Variants in CSMD3 observed in about 807,000 individuals in gnomAD.
CSMD3 encodes the protein CUB and Sushi multiple domains 3.
In CSMD3, 177 loss-of-function variants were observed where a neutral mutation model predicts 435.2. The ratio of observed to expected loss-of-function variants is 0.41; its 90% CI spans 0.36 to 0.46. The LOEUF is 0.46. CSMD3 is among the 20% of genes least tolerant of loss of function. The pLI is 0.34. For synonymous variants in CSMD3, 1,656 were observed against 1,520.5 expected, an observed-to-expected ratio of 1.09 and a Z score of -2.07; for missense variants, 4,265 against 4,504.6, an observed-to-expected ratio of 0.95 and a Z score of 1.52.
chr8:112,816,148 G>C (rs917120606), intron 12 of CSMD3, among the ~76,000 whole-genome samples: 10 of 152,092 alleles, frequency 6.6e-5, no homozygotes, highest in African/African-American at 2.2e-4. Context: ...TGTCTCAGCA[G>C]ATGTGTCTTG....
rs1192903651 is a variant in CSMD3, at chr8:113,173,861, A to G, written c.570T>C (p.Tyr190=). The G allele has an allele frequency of 6.2e-7, 1 of 1,613,934 alleles. No individual in the cohort carries two copies. The highest frequency in any genetic ancestry group is 1.3e-5 in the African/African-American group (1 of 75,066). The change falls in exon 4 of 71, where the codon TAT becomes TAC. Residue 190 remains tyrosine, a synonymous_variant. Coordinates refer to ENST00000297405, the MANE Select transcript of CSMD3 (RefSeq NM_198123.2). ...TGTCCCCGACGTCGAATCTTGTGCC[A>G]TATAATACACCTTTGGGTGGAACAC... is the stretch of plus-strand genomic sequence containing the variant. ...NPGVPPKGVL[Y]GTRFDVGDKI... is the part of the protein sequence containing the mutation.
chr8:112,286,656 T>C (rs896048524), intron 58 of CSMD3, among the ~76,000 whole-genome samples: 4 of 152,126 alleles, frequency 2.6e-5, no homozygotes, highest in African/African-American at 7.2e-5. Context: ...TAAAACTTTA[T>C]TACAGGTATG....
intron 3 of CSMD3, among the ~76,000 whole-genome samples, chr8:113,212,914 A>C (rs1354056847): frequency 6.7e-6 from 1 of 149,940 alleles, no homozygotes; most frequent in Non-Finnish European, 1.5e-5. Flanking sequence ...TATTAAAAAA[A>C]AAAAAAGAAA....
intron 3 of CSMD3, among the ~76,000 whole-genome samples, chr8:113,244,436 C>T (rs887423073): frequency 1.1e-4 from 16 of 152,150 alleles, no homozygotes; most frequent in Non-Finnish European, 1.8e-4. Flanking sequence ...CTGCCTCAGC[C>T]TCCTGAGTAG....
intron 1 of CSMD3, among the ~76,000 whole-genome samples, chr8:113,382,655 A>G (rs558140152): frequency 4.6e-5 from 7 of 152,254 alleles, no homozygotes; most frequent in African/African-American, 1.7e-4. Context: ...TCTATTAAGC[A>G]TATGGTTACT....
At chr8:112,612,971 T>G (rs539770038) in intron 22 of CSMD3, among the ~76,000 whole-genome samples, 1 of 152,010 alleles carries the variant, frequency 6.6e-6, no homozygotes, top group African/African-American at 2.4e-5. Flanking sequence ...TCTGAGATTC[T>G]TTTTTGCCCA....
At chr8:112,518,312 G>A (rs534612540) in intron 27 of CSMD3, among the ~76,000 whole-genome samples, 8 of 151,696 alleles carry the variant, frequency 5.3e-5, no homozygotes, top group African/African-American at 1.9e-4. Context: ...ACCAGCCTGG[G>A]CAACTAAGTG....
intron 10 of CSMD3, among the ~76,000 whole-genome samples, chr8:112,921,066 T>C (rs933882640): frequency 3.3e-5 from 5 of 151,000 alleles, no homozygotes; most frequent in African/African-American, 9.7e-5. Context: ...CCAGATAAGA[T>C]ATATATACAT....
At chr8:113,245,800 C>T (rs1171492978) in intron 3 of CSMD3, among the ~76,000 whole-genome samples, 1 of 151,926 alleles carries the variant, frequency 6.6e-6, no homozygotes, top group African/African-American at 2.4e-5. Context: ...CTAGATATTT[C>T]TGTGAGAAAG....
chr8:113,124,722 G>A (rs1205867439), intron 4 of CSMD3, among the ~76,000 whole-genome samples: 2 of 151,956 alleles, frequency 1.3e-5, no homozygotes, highest in Admixed American at 6.6e-5. Flanking sequence ...TGTTGTGGTA[G>A]TTGAAAAGCT....
chr8:113,435,723 A>C (rs2094702064), intron 1 of CSMD3, among the ~76,000 whole-genome samples: 2 of 152,118 alleles, frequency 1.3e-5, no homozygotes, highest in Non-Finnish European at 1.5e-5. Flanking sequence ...GTGATTGTTC[A>C]AAAAATGATG....
chr8:113,369,417 G>A (rs1449414313), intron 1 of CSMD3, among the ~76,000 whole-genome samples: 1 of 151,830 alleles, frequency 6.6e-6, no homozygotes, highest in African/African-American at 2.4e-5. Flanking sequence ...TTTCTGGTAA[G>A]GATGTGAAAA....
intron 58 of CSMD3, among the ~76,000 whole-genome samples, chr8:112,281,804 T>C (rs988206351): frequency 6.6e-6 from 1 of 152,174 alleles, no homozygotes; most frequent in Non-Finnish European, 1.5e-5. Flanking sequence ...TAAGCATCTA[T>C]GTATATTTTT....
At chr8:112,792,057 G>C (rs1453704099) in intron 13 of CSMD3, among the ~76,000 whole-genome samples, 1 of 151,936 alleles carries the variant, frequency 6.6e-6, no homozygotes, top group Non-Finnish European at 1.5e-5. Flanking sequence ...TTTTAAATTG[G>C]TTTGTTTGCT....
chr8:112,224,431 C>T lies in CSMD3; in HGVS notation c.*340G>A, dbSNP rs1812392021. 2 of 306,068 alleles carry T rather than the reference C, an allele frequency of 6.5e-6. No individual in the cohort carries two copies. Among genetic ancestry groups the T allele is most frequent in the African/African-American group, 4.3e-5 (2 of 46,338 alleles). 19.0% of individuals were successfully genotyped at this position (306,068 alleles called of 1,614,324 possible). A position where few individuals can be genotyped will look rare whatever the true frequency, so the allele number is the denominator to read the frequency against. ...CTATATCTTTTTTTTTAAACCCAGT[C>T]CCTCTAATATAGTTTATAAAGCACA... On this transcript the variant is annotated 3_prime_UTR_variant, in exon 71 of 71. Transcript: ENST00000297405.
chr8:112,506,198 C>T (rs540003453), intron 29 of CSMD3, among the ~76,000 whole-genome samples: 1 of 152,020 alleles, frequency 6.6e-6, no homozygotes, highest in Non-Finnish European at 1.5e-5. Flanking sequence ...TTTATGAGTT[C>T]AAATTATCTT....
At chr8:112,763,153 G>T (rs1587216326) in intron 13 of CSMD3, among the ~76,000 whole-genome samples, 1 of 151,542 alleles carries the variant, frequency 6.6e-6, no homozygotes, top group Admixed American at 6.6e-5. Context: ...TGTCGTAGAT[G>T]ATAAATACTA....
chr8:113,349,973 C>T (rs187566997), intron 1 of CSMD3, among the ~76,000 whole-genome samples: 86 of 152,064 alleles, frequency 5.7e-4, no homozygotes, highest in African/African-American at 1.9e-3. Flanking sequence ...TCTTGAGAAG[C>T]CTGGCAGTTT....
Position 112,822,368 on chromosome 8 carries a change from A to T in CSMD3, c.1859+7318T>A, listed in dbSNP as rs528171892. Among the ~76,000 whole-genome samples, 169 of 152,136 alleles carry T rather than the reference A, an allele frequency of 1.1e-3. 3 individuals are homozygous for T. The South Asian group carries it at 0.034, about 30-fold the overall frequency. The stretch of plus-strand genomic sequence containing the variant: ...AGTTCTCCTTGAAGAGGTCCTTCAC[A>T]TCCCTTGTAAGTTGTATTCCTAAGT... On this transcript the variant is annotated intron_variant, in intron 12 of 70. Coordinates refer to ENST00000297405, the MANE Select transcript of CSMD3 (RefSeq NM_198123.2).
Sources: gnomAD v4.1 joint callset for allele counts (sites outside exome capture counted in the v4.1 genomes callset) on GRCh38, gnomAD v4.1.1 for gene constraint, MANE v1.5 for transcripts, NCBI Gene and HGNC (gene_info 2026-07-23, HGNC 2026-07-21) for gene names.